The following CEP152 variants were observed in gnomAD, a reference collection of about 807,000 sequenced individuals.
CEP152 encodes the protein centrosomal protein 152, also known as centrosomal protein of 152 kDa.
A neutral mutation model predicts 188.9 loss-of-function variants in CEP152; 132 were observed. That is an observed-to-expected ratio of 0.70 (90% CI 0.61 to 0.81). The LOEUF (loss-of-function observed/expected upper bound fraction) is 0.81. CEP152 is among the 30% of genes least tolerant of loss of function. The pLI, the probability that CEP152 is intolerant of heterozygous loss-of-function variation, is 0.00. For synonymous variants in CEP152, 649 were observed against 666.6 expected (o/e 0.97, Z 0.41); for missense variants, 1,914 against 1,969.8 (o/e 0.97, Z 0.54).
At chr15:48,810,081 T>C (rs533496523) in intron 1 of CEP152, 63 of 152,346 alleles carry the variant, frequency 4.1e-4, no homozygotes, top group African/African-American at 1.5e-3. Context: ...GCATGTTCAT[T>C]GTCACGCACT....
intron 13 of CEP152, among the ~76,000 whole-genome samples, chr15:48,769,783 T>C (rs889342317): frequency 9.2e-5 from 14 of 152,342 alleles, no homozygotes; most frequent in African/African-American, 3.4e-4. Flanking sequence ...CTCACGGACA[T>C]ATATTTTATT....
chr15:48,743,013 C>G (rs1036711732), intron 24 of CEP152, among the ~76,000 whole-genome samples: 15 of 152,096 alleles, frequency 9.9e-5, no homozygotes. Context: ...CATGTCAAAA[C>G]AAAACCTCCA....
At chr15:48,749,218 G>T (rs1371463224) in intron 21 of CEP152, among the ~76,000 whole-genome samples, 1 of 152,024 alleles carries the variant, frequency 6.6e-6, no homozygotes, top group Non-Finnish European at 1.5e-5. Context: ...TAGATGGATC[G>T]ATGGACAGAG....
At chr15:48,753,184 G>A (rs1595609204) in intron 20 of CEP152, among the ~76,000 whole-genome samples, 3 of 152,234 alleles carry the variant, frequency 2.0e-5, no homozygotes, top group South Asian at 4.2e-4. Context: ...TATCGGCCAG[G>A]CTGAAGGGCA....
chr15:48,806,734 A>G (rs1028713443), intron 1 of CEP152, among the ~76,000 whole-genome samples: 2 of 152,246 alleles, frequency 1.3e-5, no homozygotes, highest in African/African-American at 2.4e-5. Flanking sequence ...TGTGGAAGCC[A>G]ATAGCTCTAG....
Position 48,738,737 on chromosome 15 carries a change from A to C in CEP152, c.4645T>G (p.Ser1549Ala), listed in dbSNP as rs1403655312. The change falls in exon 27 of 27, where the codon TCT (serine) becomes GCT (alanine). Residue 1549 changes from serine (S) to alanine (A), a missense_variant. Physicochemically the swap from Ser to Ala is moderately conservative, Grantham distance 99 (BLOSUM62 1). Transcript: ENST00000380950. The part of the protein sequence containing the change: ...NPLMESENAA[S>A]EKSQGLDVQE... ...ACATCCAAACCTTGACTTTTCTCAG[A>C]TGCAGCATTTTCACTTTCCATTAGT... The C allele has an allele frequency of 1.9e-6, 3 of 1,614,034 alleles. No individual in the cohort carries two copies. The Admixed American group carries it at 5.0e-5, about 27-fold the overall frequency.
intron 10 of CEP152, 87 bp downstream of exon 10, chr15:48,783,886 G>T: frequency 7.2e-7 from 1 of 1,389,956 alleles, no homozygotes; most frequent in Non-Finnish European, 1.0e-6. Flanking sequence ...GTCCCTTCTG[G>T]ATTTTTACAA....
chr15:48,762,624 G>A lies in CEP152; in HGVS notation c.2329C>T (p.Leu777=). 6.2e-7 allele frequency: 1 copy of A among 1,613,882 alleles called. No individual in the cohort carries two copies. ...TTCATTGCCTTTATAGTTTGATCCA[G>A]CTTAGACTGCCACTCCTTTTCAAGC... ...QQLEKEWQSK[L]DQTIKAMKKK... The change falls in exon 18 of 27, where the codon CTG becomes TTG. Residue 777 remains leucine, a synonymous_variant. Transcript: ENST00000380950.
Position 48,756,040 on chromosome 15 carries a change from G to A in CEP152, c.3208C>T (p.Leu1070Phe), listed in dbSNP as rs768878403. 2 of 1,614,058 alleles carry A rather than the reference G, an allele frequency of 1.2e-6. No individual in the cohort carries two copies. Among genetic ancestry groups the A allele is most frequent in the East Asian group, 4.5e-5 (2 of 44,874 alleles). The change falls in exon 20 of 27, where the codon CTT becomes TTT. Residue 1070 changes from leucine to phenylalanine, a missense_variant. Physicochemically the swap from Leu to Phe is conservative, Grantham distance 22. Transcript: ENST00000380950. ...GAACAAGTCGACATGATTTCCAAAA[G>A]CTGCTTGTCCTCAGAATCACTGATG... ...EHISDSEDKQ[L>F]LEIMSTCSSK... is the part of the protein sequence containing the mutation.
At position 48,738,042 on chromosome 15, in the gene CEP152, A is replaced by G; in HGVS notation, c.*207T>C. ...AGAAACCAAAAATAAGCACCACACA[A>G]AAGCAGATTATACATACACCATCAG... On this transcript the variant is annotated 3_prime_UTR_variant, in exon 27 of 27. Coordinates refer to ENST00000380950, the MANE Select transcript of CEP152 (RefSeq NM_001194998.2). The G allele has an allele frequency of 3.5e-6, 2 of 572,824 alleles. No individual in the cohort carries two copies. The highest frequency in any genetic ancestry group is 5.9e-6 in the Non-Finnish European group (2 of 340,054). The allele number at this position is 572,824 out of a possible 1,614,324, so 35.5% of individuals were successfully genotyped here.
rs548266220 is a variant in CEP152 at position 48,782,075 on chromosome 15, A to G, written c.1413+64T>C. Reference sequence around the variant, plus strand: ...TATACAGAGAAACCCAAGATTCAAAAAGGTGATGTAACTACTGCCTAATTC... The same window carrying G: ...TATACAGAGAAACCCAAGATTCAAAGAGGTGATGTAACTACTGCCTAATTC... On this transcript the variant is annotated intron_variant, in intron 11 of 26. Transcript: ENST00000380950. 85 of 1,435,860 alleles carry G rather than the reference A, an allele frequency of 5.9e-5. 1 individual carries two copies. In the African/African-American group the frequency reaches 9.9e-4, roughly 17 times the overall value. The allele number at this position is 1,435,860 out of a possible 1,614,324, so 88.9% of individuals were successfully genotyped here.
At chr15:48,796,317 C>T (rs1184253396) in intron 5 of CEP152, among the ~76,000 whole-genome samples, 157 bp from the exon 6 acceptor site, 2 of 151,596 alleles carry the variant, frequency 1.3e-5, no homozygotes, top group African/African-American at 2.4e-5. Context: ...CACACACACA[C>T]ACACACATAT....
intron 18 of CEP152, among the ~76,000 whole-genome samples, chr15:48,760,486 G>GA (rs1279205544): frequency 2.6e-5 from 4 of 152,138 alleles, no homozygotes; most frequent in African/African-American, 7.2e-5. Flanking sequence ...GAGGAAGTGG[G>GA]AATCTGTGAA....
intron 12 of CEP152, among the ~76,000 whole-genome samples, chr15:48,776,994 G>A (rs9652424): frequency 0.33 from 50,010 of 151,804 alleles, 11,468 homozygotes; most frequent in East Asian, 0.63. Flanking sequence ...TGAGAAAAAC[G>A]TAATCATAAG....
At chr15:48,782,017 G>A (rs1480714989) in intron 11 of CEP152, 122 bp downstream of exon 11, 2 of 809,668 alleles carry the variant, frequency 2.5e-6, no homozygotes, top group Non-Finnish European at 4.1e-6. Context: ...CAACTCCCAT[G>A]GGCTGGTTTG....
chr15:48,794,291 G>T (rs1290012597), intron 6 of CEP152, among the ~76,000 whole-genome samples: 3 of 152,152 alleles, frequency 2.0e-5, no homozygotes, highest in Non-Finnish European at 4.4e-5. Flanking sequence ...TGGTAGGTAT[G>T]CTTCAACTAC....
At chr15:48,733,007 C>G (rs925173020), downstream of CEP152, among the ~76,000 whole-genome samples, 1 of 152,056 alleles carries the variant, frequency 6.6e-6, no homozygotes, top group African/African-American at 2.4e-5. Flanking sequence ...GGGAGGATCA[C>G]TTGAGCCCAG....
At chr15:48,797,162 T>A (rs1417650385) in intron 5 of CEP152, 139 bp downstream of exon 5, 3 of 907,630 alleles carry the variant, frequency 3.3e-6, no homozygotes, top group Non-Finnish European at 5.3e-6. Context: ...ACCATGAACC[T>A]GAATAAGTGC....
intron 9 of CEP152, among the ~76,000 whole-genome samples, chr15:48,785,339 A>G (rs1896553304): frequency 6.6e-6 from 1 of 152,194 alleles, no homozygotes; most frequent in Non-Finnish European, 1.5e-5. Flanking sequence ...TTTGAGCAAA[A>G]TGAAGCTTCT....
Sources: gnomAD v4.1 joint callset for allele counts (sites outside exome capture counted in the v4.1 genomes callset) on GRCh38, gnomAD v4.1.1 for gene constraint, MANE v1.5 for transcripts, NCBI Gene and HGNC (gene_info 2026-07-23, HGNC 2026-07-21) for gene names.